The following CORO7 variants were observed in gnomAD, a reference collection of about 807,000 sequenced individuals.
CORO7 encodes coronin 7.
In CORO7, 107 loss-of-function variants were observed where a neutral mutation model predicts 126.6. The ratio of observed to expected loss-of-function variants is 0.85; its 90% CI spans 0.72 to 0.99. The LOEUF is 0.99. Ranked by LOEUF, CORO7 falls within the 50% of genes least tolerant of loss-of-function variation. CORO7 has a pLI of 0.00. For missense variants in CORO7, 1,314 were observed against 1,255.8 expected (o/e 1.05, Z -0.70); for synonymous variants, 603 against 536.8 (o/e 1.12, Z -1.70).
At chr16:4,381,634 G>T in intron 9 of CORO7, 2 of 1,599,368 alleles carry the variant, frequency 1.3e-6, no homozygotes, top group Non-Finnish European at 1.7e-6. Flanking sequence ...CACCCGCATT[G>T]CCCAGCTGCG....
chr16:4,397,245 C>G (rs1401392996), intron 6 of CORO7: 1 of 151,542 alleles, frequency 6.6e-6, no homozygotes, highest in East Asian at 2.0e-4. Flanking sequence ...GAGTTCGAGA[C>G]CAGTCTGGCC....
At chr16:4,416,341 G>A (rs2056411119) in intron 1 of CORO7, 118 bp downstream of exon 1, 2 of 1,317,616 alleles carry the variant, frequency 1.5e-6, no homozygotes, top group Non-Finnish European at 2.0e-6. Context: ...GTTCCCCGGG[G>A]ATGGAGGTCT....
At chr16:4,412,543 C>T in intron 2 of CORO7, 113 bp from the exon 3 acceptor site, 1 of 1,074,442 alleles carries the variant, frequency 9.3e-7, no homozygotes, top group Non-Finnish European at 1.4e-6. Flanking sequence ...TTCCCAGAGC[C>T]TCTACCAATC....
At chr16:4,364,169 G>C (rs1328040029) in intron 14 of CORO7, 107 bp downstream of exon 14, 4 of 1,363,010 alleles carry the variant, frequency 2.9e-6, no homozygotes, top group Non-Finnish European at 3.8e-6. Flanking sequence ...TTGGGTGACA[G>C]AGTGAGACAC....
At chr16:4,370,865 G>A (rs1268670021) in intron 9 of CORO7, among the ~76,000 whole-genome samples, 4 of 152,212 alleles carry the variant, frequency 2.6e-5, no homozygotes, top group South Asian at 2.1e-4. Context: ...GCTACAGGCC[G>A]GGCTGGAGGG....
intron 9 of CORO7, chr16:4,381,598 C>A: frequency 6.3e-7 from 1 of 1,599,968 alleles, no homozygotes; most frequent in Non-Finnish European, 8.5e-7. Flanking sequence ...CCTCCGGGGC[C>A]TGACGCGCCT....
intron 3 of CORO7, among the ~76,000 whole-genome samples, chr16:4,411,466 T>C (rs111256747): frequency 1.7e-3 from 261 of 151,904 alleles, no homozygotes; most frequent in Non-Finnish European, 2.3e-3. Flanking sequence ...CTTTGGGAGG[T>C]TGACTTGGGA....
intron 9 of CORO7, among the ~76,000 whole-genome samples, chr16:4,377,041 G>A (rs977636547): frequency 1.3e-5 from 2 of 152,170 alleles, no homozygotes; most frequent in Non-Finnish European, 2.9e-5. Flanking sequence ...CGAGCACCAC[G>A]AGCAGCGCCC....
At position 4,388,037 on chromosome 16, in the gene CORO7, G is replaced by A. The variant is rs143448776; in HGVS notation, c.734C>T (p.Thr245Met). 502 of 1,613,120 alleles carry A rather than the reference G, an allele frequency of 3.1e-4. 4 individuals are homozygous for A. The African/African-American group carries it at 5.5e-3, about 18-fold the overall frequency. The part of the protein sequence containing the change: ...MREREVKLWD[T>M]RFFSSALASL... Reference sequence around the variant, plus strand: ...GGCCAGGGCGCTGGAGAAGAACCGCGTGTCCCACAGCTTCACTTCGCGCTC... The same window carrying A: ...GGCCAGGGCGCTGGAGAAGAACCGCATGTCCCACAGCTTCACTTCGCGCTC... The change falls in exon 9 of 28, where the codon ACG becomes ATG. Residue 245 changes from threonine (T) to methionine (M), a missense_variant. Physicochemically the swap from Thr to Met is moderately conservative, Grantham distance 81 (BLOSUM62 -1). Transcript: ENST00000251166.
intron 24 of CORO7, 126 bp downstream of exon 24, chr16:4,358,241 G>A: frequency 6.5e-7 from 1 of 1,529,972 alleles, no homozygotes; most frequent in South Asian, 1.2e-5. Flanking sequence ...CATCTCAGCA[G>A]AAGGGGGTAG....
intron 7 of CORO7, among the ~76,000 whole-genome samples, chr16:4,390,656 C>A (rs762304554): frequency 1.3e-5 from 2 of 152,200 alleles, no homozygotes; most frequent in African/African-American, 2.4e-5. Context: ...CACCTAGGGG[C>A]ACAGGCTAAG....
At chr16:4,410,628 A>G (rs1423812129) in intron 3 of CORO7, among the ~76,000 whole-genome samples, 1 of 152,252 alleles carries the variant, frequency 6.6e-6, no homozygotes, top group East Asian at 1.9e-4. Context: ...ATGTATCTCT[A>G]AAACAACATG....
At position 4,362,850 on chromosome 16, in the gene CORO7, C is replaced by A. The variant is rs1349666224; in HGVS notation, c.1276-112G>T. 1.6e-6 allele frequency: 2 copies of A among 1,223,330 alleles called. No individual in the cohort carries two copies. The highest frequency in any genetic ancestry group is 6.3e-5 in the East Asian group (2 of 31,542). The allele number at this position is 1,223,330 out of a possible 1,614,324, so 75.8% of individuals were successfully genotyped here. Reference sequence around the variant, plus strand: ...CTGGGCCCCCTGCGGACTGGAGGAGCCCCCACTGTGGGCATGCGACAGGAG... The same window carrying A: ...CTGGGCCCCCTGCGGACTGGAGGAGACCCCACTGTGGGCATGCGACAGGAG... On this transcript the variant is annotated intron_variant, in intron 14 of 27. Coordinates refer to ENST00000251166, the MANE Select transcript of CORO7 (RefSeq NM_024535.5). The surrounding 1 kb of genome is among the most constrained non-coding windows in gnomAD (Gnocchi z 5.3).
intron 9 of CORO7, among the ~76,000 whole-genome samples, chr16:4,379,351 C>A (rs113192576): frequency 6.6e-6 from 1 of 152,054 alleles, no homozygotes; most frequent in African/African-American, 2.4e-5. Flanking sequence ...ACGGCCCCAG[C>A]GGTCTCCCCA....
At chr16:4,359,709 G>C in intron 21 of CORO7, 88 bp from the exon 22 acceptor site, 1 of 1,476,348 alleles carries the variant, frequency 6.8e-7, no homozygotes, top group Non-Finnish European at 9.0e-7. Context: ...CCCCTGCTCT[G>C]TTCTGGGTTG....
intron 7 of CORO7, among the ~76,000 whole-genome samples, chr16:4,393,034 G>T (rs928741767): frequency 6.6e-6 from 1 of 152,240 alleles, no homozygotes; most frequent in Admixed American, 6.5e-5. Context: ...ATCAGTCACC[G>T]CCCCAGCCCT....
chr16:4,394,962 T>A (rs1221070499), intron 7 of CORO7, among the ~76,000 whole-genome samples: 1 of 152,206 alleles, frequency 6.6e-6, no homozygotes, highest in Non-Finnish European at 1.5e-5. Context: ...GCAGCTGGTC[T>A]CTGCTGACCG....
intron 9 of CORO7, among the ~76,000 whole-genome samples, chr16:4,385,353 C>T (rs973764833): frequency 2.0e-5 from 3 of 152,096 alleles, no homozygotes; most frequent in South Asian, 4.1e-4. Context: ...GCCGGCCACG[C>T]GGGAGGGCTT....
chr16:4,379,880 TAAAA>T (rs34020450), intron 9 of CORO7, among the ~76,000 whole-genome samples: 2 of 109,204 alleles, frequency 1.8e-5, no homozygotes, highest in Non-Finnish European at 1.8e-5. Context: ...CTGTCTCTAC[TAAAA>T]AAAAAAAAAA....
Sources: gnomAD v4.1 joint callset for allele counts (sites outside exome capture counted in the v4.1 genomes callset) on GRCh38, gnomAD v4.1.1 for gene constraint, Gnocchi (gnomAD v3.1) non-coding constraint, MANE v1.5 for transcripts, NCBI Gene and HGNC (gene_info 2026-07-23, HGNC 2026-07-21) for gene names.